Variants in AUP1 observed in about 807,000 individuals in gnomAD.
AUP1 encodes AUP1 lipid droplet regulating VLDL assembly factor.
Under a neutral mutation model 51.8 loss-of-function variants are expected in AUP1, and 30 were observed. The observed-to-expected ratio is 0.58, with a 90% confidence interval of 0.43 to 0.79. AUP1 has a LOEUF of 0.79. AUP1 is among the 30% of genes least tolerant of loss of function. The pLI is 0.00. For synonymous variants in AUP1, 227 were observed against 209.0 expected, an observed-to-expected ratio of 1.09 and a Z score of -0.74; for missense variants, 492 against 517.1, an observed-to-expected ratio of 0.95 and a Z score of 0.47.
Position 74,528,235 on chromosome 2 carries a change from G to T in AUP1, c.671+13C>A. 1.2e-6 allele frequency: 2 copies of T among 1,612,196 alleles called. No individual in the cohort carries two copies. ...CCTCTCCCCAGCGACCAAAATGTGA[G>T]GACAGTTAATACCTTACTTGATACA... is the stretch of plus-strand genomic sequence containing the variant. On this transcript the variant is annotated intron_variant, in intron 6 of 11. Coordinates refer to ENST00000377526, the MANE Select transcript of AUP1 (RefSeq NM_181575.5).
In AUP1 at chr2:74,526,966, G is replaced by A; in HGVS notation, c.1171C>T (p.Gln391Ter). Residue 391 changes from glutamine to a stop codon, truncating the protein, a stop_gained, in exon 11 of 12, where the codon CAA becomes TAA. Transcript: ENST00000377526. LOFTEE classifies it high-confidence loss of function. The stretch of plus-strand genomic sequence containing the variant: ...CTTCTTGCGTATTCATATAGTGCTT[G>A]CTTGCGCTCCTGCAGGCTCTCCTGC... ...ARQESLQERK[Q>*]ALYEYARRRF... 1 of 1,614,106 alleles carries A rather than the reference G, an allele frequency of 6.2e-7. No individual in the cohort carries two copies. Among genetic ancestry groups the A allele is most frequent in the African/African-American group, 1.3e-5 (1 of 75,058 alleles).
chr2:74,528,648 T>C (rs936183471), intron 4 of AUP1, 103 bp downstream of exon 4: 3 of 1,422,664 alleles, frequency 2.1e-6, no homozygotes, highest in Middle Eastern at 2.1e-4. Flanking sequence ...GGAAATGAAC[T>C]GGAGATGATG....
chr2:74,527,791 A>T lies in AUP1; in HGVS notation c.786T>A (p.Ala262=), dbSNP rs772358385. ...LGQTGTRLTP[A]DKAEHMKRQR... ...GTCGCTTCATGTGCTCTGCTTTGTCAGCTGGAGTGAGCCGTGTCCCTGTCT... is the reference window on the plus strand; with the variant it reads ...GTCGCTTCATGTGCTCTGCTTTGTCTGCTGGAGTGAGCCGTGTCCCTGTCT... Residue 262 remains alanine, a synonymous_variant, in exon 8 of 12, where the codon GCT becomes GCA. Coordinates refer to ENST00000377526, the MANE Select transcript of AUP1 (RefSeq NM_181575.5). 6 of 1,613,824 alleles carry T rather than the reference A, an allele frequency of 3.7e-6. No individual in the cohort carries two copies. In the East Asian group the frequency reaches 1.3e-4, roughly 36 times the overall value.
In AUP1 at chr2:74,527,711, G is replaced by A. The variant is rs760956661; in HGVS notation, c.841+25C>T. Reference sequence around the variant, plus strand: ...AGGCCGAAAAAAAAAAACCCCAAAAGCTGTAATGTATAGAGACCACATACC... The same window carrying A: ...AGGCCGAAAAAAAAAAACCCCAAAAACTGTAATGTATAGAGACCACATACC... On this transcript the variant is annotated intron_variant, in intron 8 of 11. Coordinates refer to ENST00000377526, the MANE Select transcript of AUP1 (RefSeq NM_181575.5). 6.3e-6 allele frequency: 10 copies of A among 1,598,158 alleles called. No individual in the cohort carries two copies. The South Asian group carries it at 1.2e-4, about 18-fold the overall frequency.
At position 74,526,712 on chromosome 2, in the gene AUP1, AC is replaced by A; in HGVS notation, c.*87del. The A allele has an allele frequency of 2.1e-6, 3 of 1,418,468 alleles. No individual in the cohort carries two copies. The highest frequency in any genetic ancestry group is 1.4e-5 in the African/African-American group (1 of 69,586). The allele number at this position is 1,418,468 out of a possible 1,614,324, so 87.9% of individuals were successfully genotyped here. Reference sequence around the variant, plus strand: ...GGAGCCTCATCCTTCCCTTTTTACCACCCACCCATCCAGCCTGTTGTGAGTT... The same window carrying A: ...GGAGCCTCATCCTTCCCTTTTTACCACCACCCATCCAGCCTGTTGTGAGTT... On this transcript the variant is annotated 3_prime_UTR_variant, in exon 12 of 12. Coordinates refer to ENST00000377526, the MANE Select transcript of AUP1 (RefSeq NM_181575.5).
intron 4 of AUP1, 104 bp from the exon 5 acceptor site, chr2:74,528,593 G>A: frequency 7.2e-7 from 1 of 1,388,940 alleles, no homozygotes; most frequent in East Asian, 2.4e-5. Context: ...GCACATAATT[G>A]AAGAATGAAG....
At position 74,528,296 on chromosome 2, in the gene AUP1, G is replaced by A; in HGVS notation, c.623C>T (p.Ser208Leu). ...SVTVSDASWV[S>L]ELLWSLFVPF... Reference sequence around the variant, plus strand: ...GACGAAAAGTGACCACAGCAGTTCTGAGACCCAGGAGGCATCTGACACCGT... The same window carrying A: ...GACGAAAAGTGACCACAGCAGTTCTAAGACCCAGGAGGCATCTGACACCGT... The change falls in exon 6 of 12, where the codon TCA (serine) becomes TTA (leucine). Residue 208 changes from serine to leucine, a missense_variant. Physicochemically the swap from Ser to Leu is moderately radical, Grantham distance 145. Coordinates refer to ENST00000377526, the MANE Select transcript of AUP1 (RefSeq NM_181575.5). 6.2e-7 allele frequency: 1 copy of A among 1,614,184 alleles called. No homozygotes were observed. The highest frequency in any genetic ancestry group is 8.5e-7 in the Non-Finnish European group (1 of 1,180,024).
In AUP1 at chr2:74,527,812, T is replaced by C; in HGVS notation, c.765A>G (p.Thr255=). Residue 255 remains threonine (T), a synonymous_variant, in exon 8 of 12, where the codon ACA becomes ACG. Coordinates refer to ENST00000377526, the MANE Select transcript of AUP1 (RefSeq NM_181575.5). ...TGTCAGCTGGAGTGAGCCGTGTCCC[T>C]GTCTGGCCCAATTCCTTGGCCACCA... ...QQLVAKELGQ[T]GTRLTPADKA... is the part of the protein sequence containing the mutation. 1 of 1,614,172 alleles carries C rather than the reference T, an allele frequency of 6.2e-7. No individual in the cohort carries two copies. Among genetic ancestry groups the C allele is most frequent in the Non-Finnish European group, 8.5e-7 (1 of 1,180,032 alleles).
chr2:74,528,125 T>A (rs1356698513), intron 6 of AUP1, 119 bp from the exon 7 acceptor site: 2 of 1,480,816 alleles, frequency 1.4e-6, no homozygotes, highest in Non-Finnish European at 1.9e-6. Context: ...GTAAATACTT[T>A]GTGTTGCCTC....
chr2:74,529,652 G>GGCC lies in AUP1; in HGVS notation c.-26_-24dup. 6.5e-7 allele frequency: 1 copy of GGCC among 1,548,184 alleles called. No homozygotes were observed. Among genetic ancestry groups the GGCC allele is most frequent in the Non-Finnish European group, 8.7e-7 (1 of 1,149,036 alleles). On this transcript the variant is annotated 5_prime_UTR_variant, in exon 1 of 12. Coordinates refer to ENST00000377526, the MANE Select transcript of AUP1 (RefSeq NM_181575.5). ...CATAACTGCTGCTTCAGGAGCGCCCGGCCGTCGCCGCCGCCGCCATTTTCG... is the reference window on the plus strand; with the variant it reads ...CATAACTGCTGCTTCAGGAGCGCCCGGCCGCCGTCGCCGCCGCCGCCATTTTCG...
chr2:74,529,429 G>A lies in AUP1; in HGVS notation c.121C>T (p.Leu41=), dbSNP rs1675397962. ...YAPVGFCLLV[L]RLFLGIHVFL... ...ACGTGGATCCCGAGAAAGAGGCGCA[G>A]GACGAGGAGGCAGAACCCGACTGGC... The change falls in exon 2 of 12, where the codon CTG becomes TTG. Residue 41 remains leucine (L), a synonymous_variant. Coordinates refer to ENST00000377526, the MANE Select transcript of AUP1 (RefSeq NM_181575.5). The A allele has an allele frequency of 6.3e-7, 1 of 1,582,436 alleles. No individual in the cohort carries two copies. Among genetic ancestry groups the A allele is most frequent in the Non-Finnish European group, 8.6e-7 (1 of 1,163,392 alleles).
intron 9 of AUP1, 51 bp downstream of exon 9, chr2:74,527,420 A>T: frequency 6.2e-7 from 1 of 1,610,680 alleles, no homozygotes; most frequent in Non-Finnish European, 8.5e-7. Flanking sequence ...TTCACAACCC[A>T]CTTTTCCTCC....
chr2:74,527,699 A>C (rs1675256719), intron 8 of AUP1, 37 bp downstream of exon 8: 5 of 1,593,002 alleles, frequency 3.1e-6, no homozygotes, highest in Non-Finnish European at 1.7e-6. Context: ...CCGAAAAAAA[A>C]AAACCCCAAA....
In AUP1 at chr2:74,529,359, A is replaced by C; in HGVS notation, c.188+3T>G. 1 of 1,612,332 alleles carries C rather than the reference A, an allele frequency of 6.2e-7. No individual in the cohort carries two copies. Among genetic ancestry groups the C allele is most frequent in the Non-Finnish European group, 8.5e-7 (1 of 1,179,204 alleles). The stretch of plus-strand genomic sequence containing the variant: ...GACACTCCCCGAACGCCCGCGTCGG[A>C]ACCTGCGAAGGACGCTGTCTGGCAG... On this transcript the variant is annotated splice_donor_region_variant and intron_variant, in intron 2 of 11. Coordinates refer to ENST00000377526, the MANE Select transcript of AUP1 (RefSeq NM_181575.5).
Position 74,527,496 on chromosome 2 carries a change from T to A in AUP1, c.936A>T (p.Pro312=). Residue 312 remains proline (P), a synonymous_variant, in exon 9 of 12, where the codon CCA becomes CCT. Coordinates refer to ENST00000377526, the MANE Select transcript of AUP1 (RefSeq NM_181575.5). ...CCAGGTCTCTCTGGATGACACCCAA[T>A]GGCACATGGGGCAAAACTTCCTTGA... The part of the protein sequence containing the change: ...QRVKEVLPHV[P]LGVIQRDLAK... 6.2e-7 allele frequency: 1 copy of A among 1,613,694 alleles called. No homozygotes were observed. The highest frequency in any genetic ancestry group is 8.5e-7 in the Non-Finnish European group (1 of 1,179,884).
chr2:74,527,630 A>G (rs778458543), intron 8 of AUP1, 40 bp from the exon 9 acceptor site: 3 of 1,589,040 alleles, frequency 1.9e-6, no homozygotes, highest in East Asian at 2.2e-5. Context: ...AATTCTGGTA[A>G]GTAGAGAACT....
At position 74,527,981 on chromosome 2, in the gene AUP1, G is replaced by C. The variant is rs763500945; in HGVS notation, c.697C>G (p.Leu233Val). The change falls in exon 7 of 12, where the codon CTA (leucine) becomes GTA (valine). Residue 233 changes from leucine (L) to valine (V), a missense_variant. Coordinates refer to ENST00000377526, the MANE Select transcript of AUP1 (RefSeq NM_181575.5). Reference protein sequence around the residue: ...VRWLRPVHRQLGEANEEFALR... With the variant: ...VRWLRPVHRQVGEANEEFALR... ...GCAAACTCCTCATTCGCTTCCCCTA[G>C]TTGGCGATGAACAGGACGAAGCCAC... is the stretch of plus-strand genomic sequence containing the variant. 20 of 1,614,100 alleles carry C rather than the reference G, an allele frequency of 1.2e-5. No homozygotes were observed. Among genetic ancestry groups the C allele is most frequent in the Admixed American group, 1.7e-5 (1 of 60,012 alleles).
Position 74,529,671 on chromosome 2 carries a change from A to G in AUP1, c.-42T>C. On this transcript the variant is annotated 5_prime_UTR_variant, in exon 1 of 12. An upstream start codon of the reference 5' UTR is lost. Transcript: ENST00000377526. Reference sequence around the variant, plus strand: ...GCGCCCGGCCGTCGCCGCCGCCGCCATTTTCGCGCCCGGCCGCAGGGGCTC... The same window carrying G: ...GCGCCCGGCCGTCGCCGCCGCCGCCGTTTTCGCGCCCGGCCGCAGGGGCTC... The G allele has an allele frequency of 6.5e-7, 1 of 1,543,462 alleles. No individual in the cohort carries two copies. Among genetic ancestry groups the G allele is most frequent in the Non-Finnish European group, 8.7e-7 (1 of 1,147,184 alleles).
rs1470226584 is a variant in AUP1 at position 74,528,815 on chromosome 2, T to C, written c.460A>G (p.Thr154Ala). The change falls in exon 4 of 12, where the codon ACT becomes GCT. Residue 154 changes from threonine to alanine, a missense_variant. Thr to Ala is a moderately conservative substitution (Grantham distance 58). Transcript: ENST00000377526. ...RFCASTRLPP[T>A]PLLLFPEEEA... ...TCCTCAGGGAATAGCAGCAGAGGAG[T>C]GGGGGGAAGCCTCGTGGAAGCACAG... 6.2e-7 allele frequency: 1 copy of C among 1,613,632 alleles called. No homozygotes were observed. The highest frequency in any genetic ancestry group is 8.5e-7 in the Non-Finnish European group (1 of 1,179,918).
Sources: gnomAD v4.1 joint callset for allele counts on GRCh38, gnomAD v4.1.1 for gene constraint, MANE v1.5 for transcripts, NCBI Gene and HGNC (gene_info 2026-07-23, HGNC 2026-07-21) for gene names.